SORCS3: variants seen among roughly 807,000 people sequenced by gnomAD.
SORCS3 encodes VPS10 domain-containing receptor SorCS3.
In SORCS3, 57 loss-of-function variants were observed where a neutral mutation model predicts 146.3. That is an observed-to-expected ratio of 0.39 (90% confidence interval 0.31 to 0.49). The LOEUF is 0.49. SORCS3 is among the 20% of genes least tolerant of loss of function. The pLI is 0.92. For missense variants in SORCS3, 1,341 were observed against 1,575.5 expected, an observed-to-expected ratio of 0.85 and a Z score of 2.52; for synonymous variants, 653 against 618.5, an observed-to-expected ratio of 1.06 and a Z score of -0.83.
chr10:104,691,883 G>A (rs951280980), intron 1 of SORCS3, among the ~76,000 whole-genome samples: 1 of 152,108 alleles, frequency 6.6e-6, no homozygotes, highest in African/African-American at 2.4e-5. Flanking sequence ...TAGGACTATA[G>A]GTGTGGACCA....
At chr10:104,686,187 G>A (rs2016041304) in intron 1 of SORCS3, among the ~76,000 whole-genome samples, 2 of 152,160 alleles carry the variant, frequency 1.3e-5, no homozygotes, top group Admixed American at 1.3e-4. Flanking sequence ...TGGAGGGTAT[G>A]GCCTGTTCTT....
chr10:105,043,562 C>G (rs1292401788), intron 5 of SORCS3, among the ~76,000 whole-genome samples: 2 of 152,144 alleles, frequency 1.3e-5, no homozygotes, highest in African/African-American at 4.8e-5. Flanking sequence ...AATGCTTCTT[C>G]TTTCATAAGA....
intron 8 of SORCS3, among the ~76,000 whole-genome samples, chr10:105,144,638 G>A (rs2056118119): frequency 6.6e-6 from 1 of 152,072 alleles, no homozygotes. Context: ...TATGTCTGAT[G>A]CTTTTCAAGT....
chr10:104,718,275 A>G lies in SORCS3; in HGVS notation c.627+76321A>G, dbSNP rs116732058. ...CTGGTGTAGGCCTTTTTGCTGTGTC[A>G]TCCCATGGCAGAAGGTAGAAAGGCA... On this transcript the variant is annotated intron_variant, in intron 1 of 26. Transcript: ENST00000369701. Among the ~76,000 whole-genome samples, 791 of 152,266 alleles carry G rather than the reference A, an allele frequency of 5.2e-3. 10 individuals are homozygous for G. Among genetic ancestry groups the G allele is most frequent in the African/African-American group, 0.018 (736 of 41,554 alleles).
At chr10:105,112,663 A>G (rs748726118) in intron 7 of SORCS3, among the ~76,000 whole-genome samples, 32 of 152,148 alleles carry the variant, frequency 2.1e-4, no homozygotes, top group Non-Finnish European at 7.4e-5. Flanking sequence ...GAGTCCCTTC[A>G]AGGTGGCATT....
At chr10:105,060,369 A>G (rs1320709431) in intron 5 of SORCS3, among the ~76,000 whole-genome samples, 1 of 152,202 alleles carries the variant, frequency 6.6e-6, no homozygotes, top group East Asian at 1.9e-4. Flanking sequence ...AGCCTAGAAA[A>G]GAAGATTAAA....
chr10:104,995,786 T>G (rs1170415481), intron 4 of SORCS3, among the ~76,000 whole-genome samples: 1 of 152,214 alleles, frequency 6.6e-6, no homozygotes, highest in African/African-American at 2.4e-5. Context: ...ATCAATTTTT[T>G]GGATCATATT....
At chr10:104,845,787 C>T (rs2018196872) in intron 2 of SORCS3, among the ~76,000 whole-genome samples, 1 of 152,046 alleles carries the variant, frequency 6.6e-6, no homozygotes, top group Non-Finnish European at 1.5e-5. Flanking sequence ...AAAGATTCTC[C>T]AAGCTGGGTG....
chr10:104,743,680 G>T (rs961097472), intron 1 of SORCS3, among the ~76,000 whole-genome samples: 1 of 152,082 alleles, frequency 6.6e-6, no homozygotes, highest in Non-Finnish European at 1.5e-5. Flanking sequence ...CCACTCTCAG[G>T]ACAGCCTGTG....
rs752220438 is a variant in SORCS3, at chr10:105,043,103, C to T, written c.1003C>T (p.Arg335Cys). ...FGRRWQLMHERITPNRFYWSV... is the reference protein window; with the variant it reads ...FGRRWQLMHECITPNRFYWSV... The stretch of plus-strand genomic sequence containing the variant: ...AAGACGGTGGCAACTCATGCATGAA[C>T]GCATCACACCCAACAGGTTTTATTG... Residue 335 changes from arginine (R) to cysteine (C), a missense_variant, in exon 5 of 27, where the codon CGC becomes TGC. Transcript: ENST00000369701. 2.7e-5 allele frequency: 44 copies of T among 1,613,738 alleles called. No individual in the cohort carries two copies. Among genetic ancestry groups the T allele is most frequent in the Admixed American group, 5.0e-5 (3 of 59,988 alleles).
chr10:105,008,618 A>G (rs2055112231), intron 4 of SORCS3, among the ~76,000 whole-genome samples: 1 of 152,144 alleles, frequency 6.6e-6, no homozygotes, highest in African/African-American at 2.4e-5. Flanking sequence ...TAGTTTTGAG[A>G]AGGTAGGATC....
intron 7 of SORCS3, among the ~76,000 whole-genome samples, chr10:105,128,006 G>T (rs907001450): frequency 6.6e-6 from 1 of 152,126 alleles, no homozygotes; most frequent in Non-Finnish European, 1.5e-5. Flanking sequence ...CATTGTCAGG[G>T]TTTAGAGACA....
intron 20 of SORCS3, among the ~76,000 whole-genome samples, chr10:105,242,504 A>ATATATTTATATACATT (rs2056834549): frequency 1.1e-5 from 1 of 87,328 alleles, no homozygotes; most frequent in Non-Finnish European, 2.0e-5. Flanking sequence ...ATATATATTT[A>ATATATTTATATACATT]TATATATTTA....
At chr10:105,219,024 T>A (rs61430387) in intron 19 of SORCS3, among the ~76,000 whole-genome samples, 1,549 of 151,172 alleles carry the variant, frequency 0.01, 14 homozygotes, top group East Asian at 0.034. Context: ...CAAAAAAAAA[T>A]ATATATATAT....
chr10:105,118,944 C>T (rs1337113764), intron 7 of SORCS3, among the ~76,000 whole-genome samples: 1 of 152,174 alleles, frequency 6.6e-6, no homozygotes, highest in Non-Finnish European at 1.5e-5. Flanking sequence ...TTCAAGCCAG[C>T]TGCATAAATT....
chr10:104,835,788 T>C (rs1257630018), intron 1 of SORCS3, among the ~76,000 whole-genome samples: 1 of 152,188 alleles, frequency 6.6e-6, no homozygotes. Flanking sequence ...CCACCAAATA[T>C]GAGTAACTAG....
intron 3 of SORCS3, among the ~76,000 whole-genome samples, chr10:104,933,122 C>T (rs1389824766): frequency 6.6e-6 from 1 of 152,112 alleles, no homozygotes; most frequent in African/African-American, 2.4e-5. Context: ...GATGCTTTGG[C>T]TCTGCAAGAT....
At chr10:105,133,249 A>G (rs1352628815) in intron 7 of SORCS3, among the ~76,000 whole-genome samples, 1 of 152,234 alleles carries the variant, frequency 6.6e-6, no homozygotes, top group Non-Finnish European at 1.5e-5. Context: ...TCTTCACTAC[A>G]TCTGTGTTTT....
intron 7 of SORCS3, among the ~76,000 whole-genome samples, chr10:105,127,240 T>C (rs753298012): frequency 6.6e-6 from 1 of 152,098 alleles, no homozygotes; most frequent in African/African-American, 2.4e-5. Flanking sequence ...TTATAGCCCC[T>C]GATTTTCGAA....
Sources: allele counts gnomAD v4.1 joint callset (sites outside exome capture counted in the v4.1 genomes callset), GRCh38; gene constraint gnomAD v4.1.1; transcripts MANE v1.5; gene names NCBI Gene and HGNC (gene_info 2026-07-23, HGNC 2026-07-21).